Variants in PTGFRN observed in about 807,000 individuals in gnomAD.
PTGFRN encodes prostaglandin F2 receptor negative regulator.
A neutral mutation model predicts 83.2 loss-of-function variants in PTGFRN; 35 were observed. The ratio of observed to expected loss-of-function variants is 0.42; its 90% CI spans 0.32 to 0.56. PTGFRN has a LOEUF of 0.56. PTGFRN is among the 20% of genes least tolerant of loss of function. PTGFRN has a pLI of 0.11. For missense variants in PTGFRN, 1,051 were observed against 1,179.5 expected (o/e 0.89, Z 1.60); for synonymous variants, 519 against 498.6 (o/e 1.04, Z -0.55).
At chr1:116,977,587 A>G (rs934733929) in intron 7 of PTGFRN, among the ~76,000 whole-genome samples, 16 of 152,362 alleles carry the variant, frequency 1.1e-4, no homozygotes, top group Non-Finnish European at 2.1e-4. Flanking sequence ...TCGCTCAACT[A>G]CATGGAAACT....
intron 1 of PTGFRN, among the ~76,000 whole-genome samples, chr1:116,915,157 T>A (rs1188150054): frequency 2.0e-5 from 3 of 152,260 alleles, no homozygotes; most frequent in Non-Finnish European, 4.4e-5. Context: ...AACCTTATGC[T>A]GCGTATTGCT....
chr1:116,986,587 C>T (rs1469786109), intron 8 of PTGFRN, among the ~76,000 whole-genome samples: 1 of 152,186 alleles, frequency 6.6e-6, no homozygotes, highest in South Asian at 2.1e-4. Flanking sequence ...TTTATTCTCC[C>T]CGCAGAGCTG....
In PTGFRN at chr1:116,967,276, C is replaced by G; in HGVS notation, c.2005C>G (p.Arg669Gly). 1 of 1,614,144 alleles carries G rather than the reference C, an allele frequency of 6.2e-7. No homozygotes were observed. Among genetic ancestry groups the G allele is most frequent in the Non-Finnish European group, 8.5e-7 (1 of 1,180,004 alleles). ...AWSPVRGSLW[R>G]EAATSLSNPI... ...GTCTCCTGTCAGGGGCAGCCTTTGG[C>G]GAGAAGCAGCAACCAGTCTCTCCAA... The change falls in exon 6 of 9, where the codon CGA becomes GGA. Residue 669 changes from arginine to glycine, a missense_variant. Around this residue, in one of 3 missense-constraint regions of PTGFRN, gnomAD observed 719 missense variants for 836.6 expected, o/e 0.86. Coordinates refer to ENST00000393203, the MANE Select transcript of PTGFRN (RefSeq NM_020440.4).
At chr1:116,945,135 C>G in intron 3 of PTGFRN, 43 bp downstream of exon 3, 1 of 1,554,802 alleles carries the variant, frequency 6.4e-7, no homozygotes, top group Non-Finnish European at 8.7e-7. Context: ...TATTTTGTGA[C>G]TAATGATAGT....
At chr1:116,914,156 G>A (rs1570640934) in intron 1 of PTGFRN, among the ~76,000 whole-genome samples, 1 of 152,318 alleles carries the variant, frequency 6.6e-6, no homozygotes. Context: ...CCAGCTGGTG[G>A]CAGTTCTGCT....
intron 1 of PTGFRN, among the ~76,000 whole-genome samples, chr1:116,913,144 G>T (rs953289797): frequency 2.0e-5 from 3 of 152,188 alleles, no homozygotes; most frequent in African/African-American, 7.2e-5. Flanking sequence ...GAATAAAATA[G>T]CTAACCACAG....
Position 116,987,022 on chromosome 1 carries a change from A to G in PTGFRN, c.*55A>G. ...CGTTCTAGGAGCAATTGGGGCAAGA[A>G]GAGGACAGTGATATTTTAAAACAAA... On this transcript the variant is annotated 3_prime_UTR_variant, in exon 9 of 9. Transcript: ENST00000393203. The G allele has an allele frequency of 6.3e-7, 1 of 1,598,536 alleles. No individual in the cohort carries two copies. The highest frequency in any genetic ancestry group is 8.6e-7 in the Non-Finnish European group (1 of 1,168,842).
At chr1:116,957,338 G>A (rs1175126632) in intron 4 of PTGFRN, among the ~76,000 whole-genome samples, 1 of 151,912 alleles carries the variant, frequency 6.6e-6, no homozygotes, top group African/African-American at 2.4e-5. Context: ...TTCATGTCTG[G>A]GGGAGTGAGC....
At chr1:116,976,808 A>G (rs1037940758) in intron 7 of PTGFRN, among the ~76,000 whole-genome samples, 2 of 152,178 alleles carry the variant, frequency 1.3e-5, no homozygotes, top group African/African-American at 2.4e-5. Context: ...GGAAGAAACT[A>G]TATCAAGTAA....
At chr1:116,919,243 T>A (rs1649479196) in intron 1 of PTGFRN, among the ~76,000 whole-genome samples, 1 of 151,958 alleles carries the variant, frequency 6.6e-6, no homozygotes, top group South Asian at 2.1e-4. Flanking sequence ...GCCCTAGGCG[T>A]TGTGGGGAAA....
intron 4 of PTGFRN, among the ~76,000 whole-genome samples, 198 bp downstream of exon 4, chr1:116,949,770 T>C (rs537561324): frequency 7.9e-5 from 12 of 152,360 alleles, no homozygotes; most frequent in Admixed American, 1.3e-4. Flanking sequence ...GTTTAGATAA[T>C]GTGGCCTCAG....
intron 6 of PTGFRN, among the ~76,000 whole-genome samples, chr1:116,969,967 T>C (rs1221062074): frequency 1.3e-5 from 2 of 152,176 alleles, no homozygotes; most frequent in Non-Finnish European, 2.9e-5. Context: ...GCTGAACTTG[T>C]TTATTAATTC....
chr1:116,947,992 C>G (rs748627384), intron 3 of PTGFRN, among the ~76,000 whole-genome samples: 58 of 152,202 alleles, frequency 3.8e-4, no homozygotes, highest in Non-Finnish European at 7.5e-4. Flanking sequence ...GAAATATTGT[C>G]AGGCTTTGGA....
At chr1:116,920,252 G>A (rs566899976) in intron 1 of PTGFRN, among the ~76,000 whole-genome samples, 43 of 152,354 alleles carry the variant, frequency 2.8e-4, no homozygotes, top group Non-Finnish European at 4.9e-4. Flanking sequence ...GTACAGAAGT[G>A]TCCCCACCAC....
In PTGFRN at chr1:116,961,190, T is replaced by TG; in HGVS notation, c.1214-52dup. ...TTGTCTCATTCCTTTTGTTAATTCT[T>TG]GCCATGTTACTCTAATTATTTTCCT... On this transcript the variant is annotated intron_variant, in intron 4 of 8. Transcript: ENST00000393203. The surrounding 1 kb of genome is among the most constrained non-coding windows in gnomAD (Gnocchi z 5.4). 1 of 1,471,130 alleles carries TG rather than the reference T, an allele frequency of 6.8e-7. No homozygotes were observed. The highest frequency in any genetic ancestry group is 9.1e-7 in the Non-Finnish European group (1 of 1,104,280). The allele number at this position is 1,471,130 out of a possible 1,614,324, so 91.1% of individuals were successfully genotyped here.
At chr1:116,979,660 C>T (rs1570679786) in intron 7 of PTGFRN, among the ~76,000 whole-genome samples, 1 of 152,144 alleles carries the variant, frequency 6.6e-6, no homozygotes, top group African/African-American at 2.4e-5. Context: ...GGAAAACTGG[C>T]TAGCCATATG....
rs539247722 is a variant in PTGFRN at position 116,941,974 on chromosome 1, G to A, written c.309G>A (p.Glu103=). 194 of 1,614,202 alleles carry A rather than the reference G, an allele frequency of 1.2e-4. 2 individuals carry two copies. In the South Asian group the frequency reaches 2.1e-3, roughly 17 times the overall value. The stretch of plus-strand genomic sequence containing the variant: ...GGCGGACTGCCAACGACGCCGTGGA[G>A]CTCCACATAAAGAACGTCCAGCCTT... ...LLRRTANDAV[E]LHIKNVQPSD... is the part of the protein sequence containing the mutation. Residue 103 remains glutamate (E), a synonymous_variant, in exon 2 of 9, where the codon GAG becomes GAA. Transcript: ENST00000393203. The surrounding 1 kb of genome is among the most constrained non-coding windows in gnomAD (Gnocchi z 5.0).
At chr1:116,985,006 T>C (rs17579863) in intron 8 of PTGFRN, 21 bp downstream of exon 8, 30,755 of 1,597,768 alleles carry the variant, frequency 0.019, 389 homozygotes, top group Non-Finnish European at 0.021. Context: ...CACCCAAATT[T>C]CTCAGTGTTT....
At chr1:116,915,808 T>C (rs1321652409) in intron 1 of PTGFRN, among the ~76,000 whole-genome samples, 1 of 152,222 alleles carries the variant, frequency 6.6e-6, no homozygotes, top group African/African-American at 2.4e-5. Context: ...TCATAGCTGT[T>C]TTGTTTAATT....
Sources: gnomAD v4.1 joint callset for allele counts (sites outside exome capture counted in the v4.1 genomes callset) on GRCh38, gnomAD v4.1.1 for gene constraint, gnomAD v4.1.1 regional missense constraint, Gnocchi (gnomAD v3.1) non-coding constraint, MANE v1.5 for transcripts, NCBI Gene and HGNC (gene_info 2026-07-23, HGNC 2026-07-21) for gene names.